Variants in ROR1 observed in about 807,000 individuals in gnomAD.
ROR1 encodes inactive tyrosine-protein kinase transmembrane receptor ROR1.
In ROR1, 19 loss-of-function variants were observed where a neutral mutation model predicts 78.8. The observed-to-expected ratio is 0.24, with a 90% CI of 0.17 to 0.35. The LOEUF (loss-of-function observed/expected upper bound fraction) is 0.35. Among genes scored for constraint, ROR1 ranks in the 10% least tolerant of loss-of-function variants. The pLI is 1.00. For missense variants in ROR1, 917 were observed against 1,177.8 expected, an observed-to-expected ratio of 0.78 and a Z score of 3.24; for synonymous variants, 386 against 433.6, an observed-to-expected ratio of 0.89 and a Z score of 1.36.
chr1:63,842,519 G>T (rs1249531881), intron 1 of ROR1, among the ~76,000 whole-genome samples: 1 of 152,162 alleles, frequency 6.6e-6, no homozygotes, highest in African/African-American at 2.4e-5. Flanking sequence ...GCTCCAGAGG[G>T]AGATCATTTC....
At chr1:64,007,400 G>C (rs74078189) in intron 1 of ROR1, among the ~76,000 whole-genome samples, 4,505 of 151,826 alleles carry the variant, frequency 0.03, 248 homozygotes, top group African/African-American at 0.1. Flanking sequence ...GTGTGTGTGT[G>C]TGTGTGTGTA....
chr1:64,033,726 C>T (rs1020312969), intron 2 of ROR1, among the ~76,000 whole-genome samples: 4 of 152,154 alleles, frequency 2.6e-5, no homozygotes, highest in Admixed American at 2.6e-4. Context: ...AACACTAACT[C>T]ATTTATCAAA....
chr1:63,898,363 T>G, intron 1 of ROR1, among the ~76,000 whole-genome samples: 1 of 142,650 alleles, frequency 7.0e-6, no homozygotes, highest in East Asian at 2.1e-4. Flanking sequence ...AATAGATGCT[T>G]ACATTTTTTT....
chr1:64,123,475 A>G (rs549890704), intron 4 of ROR1, among the ~76,000 whole-genome samples: 1 of 152,330 alleles, frequency 6.6e-6, no homozygotes, highest in East Asian at 1.9e-4. Context: ...CATTTTTGCC[A>G]CTTAACTAGC....
chr1:63,878,870 G>A (rs951469330), intron 1 of ROR1, among the ~76,000 whole-genome samples: 8 of 152,226 alleles, frequency 5.3e-5, no homozygotes, highest in South Asian at 4.2e-4. Context: ...AGTGCAGACC[G>A]CAGCCTGTTC....
chr1:63,836,939 G>A (rs1025615080), intron 1 of ROR1, among the ~76,000 whole-genome samples: 1 of 152,148 alleles, frequency 6.6e-6, no homozygotes, highest in African/African-American at 2.4e-5. Context: ...GTGTGTGTGC[G>A]TGTTTGAATT....
intron 1 of ROR1, among the ~76,000 whole-genome samples, chr1:63,862,622 C>T (rs1645189233): frequency 6.6e-6 from 1 of 152,000 alleles, no homozygotes; most frequent in Admixed American, 6.6e-5. Flanking sequence ...TCCATGGCTC[C>T]TTGTTAATTT....
At chr1:64,120,061 T>C (rs562419694) in intron 4 of ROR1, among the ~76,000 whole-genome samples, 2 of 152,336 alleles carry the variant, frequency 1.3e-5, no homozygotes, top group South Asian at 4.1e-4. Context: ...GCAAAACCTT[T>C]TGGTGGTTCT....
chr1:64,024,346 T>C (rs1646591091), intron 2 of ROR1, among the ~76,000 whole-genome samples: 2 of 152,050 alleles, frequency 1.3e-5, no homozygotes, highest in African/African-American at 4.8e-5. Flanking sequence ...TAGGGCATGG[T>C]GGCATGCACC....
In ROR1 at chr1:64,049,560, CT is replaced by C. The variant is rs1319140600; in HGVS notation, c.164-129del. The C allele has an allele frequency of 9.0e-6, 7 of 780,802 alleles. No homozygotes were observed. The East Asian group carries it at 1.7e-4, about 19-fold the overall frequency. The allele number at this position is 780,802 out of a possible 1,614,324, so 48.4% of individuals were successfully genotyped here. A position where few individuals can be genotyped will look rare whatever the true frequency, so the allele number is the denominator to read the frequency against. Reference sequence around the variant, plus strand: ...CTTAATCAATGTGATTGTTTCTTTCCTTGTCTGTCTCACCTGCCTCTCCTGC... The same window carrying C: ...CTTAATCAATGTGATTGTTTCTTTCCTGTCTGTCTCACCTGCCTCTCCTGC... On this transcript the variant is annotated intron_variant, in intron 2 of 8. Coordinates refer to ENST00000371079, the MANE Select transcript of ROR1 (RefSeq NM_005012.4).
chr1:63,774,604 G>C lies in ROR1; in HGVS notation c.91+96G>C. 1.6e-6 allele frequency: 1 copy of C among 635,098 alleles called. No homozygotes were observed. Among genetic ancestry groups the C allele is most frequent in the Non-Finnish European group, 2.0e-6 (1 of 509,968 alleles). The allele number at this position is 635,098 out of a possible 1,614,324, so 39.3% of individuals were successfully genotyped here. Reference sequence around the variant, plus strand: ...GGGCGCGGGACACGCAGGAAGCGCCGCGCTGGCTCCGGGGCGCGTCCGGCC... The same window carrying C: ...GGGCGCGGGACACGCAGGAAGCGCCCCGCTGGCTCCGGGGCGCGTCCGGCC... On this transcript the variant is annotated intron_variant, in intron 1 of 8. Transcript: ENST00000371079. The surrounding 1 kb of genome is among the most constrained non-coding windows in gnomAD (Gnocchi z 5.7).
rs995583405 is a variant in ROR1, at chr1:63,940,610, A to G, written c.92-68695A>G. Among the ~76,000 whole-genome samples, 5 of 152,160 alleles carry G rather than the reference A, an allele frequency of 3.3e-5. 1 individual carries two copies. Among genetic ancestry groups the G allele is most frequent in the Non-Finnish European group, 5.9e-5 (4 of 68,014 alleles). On this transcript the variant is annotated intron_variant, in intron 1 of 8. Transcript: ENST00000371079. Reference sequence around the variant, plus strand: ...CCAACTGACATATGTGACATGTGATATATGTGGAGGAAGTAGTGAATTTGT... The same window carrying G: ...CCAACTGACATATGTGACATGTGATGTATGTGGAGGAAGTAGTGAATTTGT...
In ROR1 at chr1:64,049,932, C is replaced by G; in HGVS notation, c.405C>G (p.Asn135Lys). Reference sequence around the variant, plus strand: ...GCTACTTCCAGTGCGTGGCAACAAACGGCAAGGAGGTGGTTTCTTCCACTG... The same window carrying G: ...GCTACTTCCAGTGCGTGGCAACAAAGGGCAAGGAGGTGGTTTCTTCCACTG... ...DTGYFQCVAT[N>K]GKEVVSSTGV... is the part of the protein sequence containing the mutation. Residue 135 changes from asparagine (N) to lysine (K), a missense_variant, in exon 3 of 9, where the codon AAC becomes AAG. Physicochemically the swap from Asn to Lys is moderately conservative, Grantham distance 94. This residue lies in a region of ROR1 where 835 missense variants were observed against 1,069.8 expected (regional missense o/e 0.78). Coordinates refer to ENST00000371079, the MANE Select transcript of ROR1 (RefSeq NM_005012.4). 1 of 1,614,204 alleles carries G rather than the reference C, an allele frequency of 6.2e-7. No homozygotes were observed. Among genetic ancestry groups the G allele is most frequent in the Non-Finnish European group, 8.5e-7 (1 of 1,180,038 alleles).
intron 2 of ROR1, among the ~76,000 whole-genome samples, chr1:64,042,459 C>T (rs906827092): frequency 6.6e-6 from 1 of 152,168 alleles, no homozygotes; most frequent in Admixed American, 6.5e-5. Context: ...AGTCTAGCTC[C>T]AGAGCCCATG....
intron 1 of ROR1, among the ~76,000 whole-genome samples, chr1:63,863,778 AT>A (rs1645197556): frequency 1.3e-5 from 2 of 150,850 alleles, no homozygotes; most frequent in South Asian, 4.2e-4. Flanking sequence ...ATTGTATTGT[AT>A]TGTATTGTAT....
intron 4 of ROR1, among the ~76,000 whole-genome samples, chr1:64,092,790 T>C (rs1647211854): frequency 6.6e-6 from 1 of 152,226 alleles, no homozygotes. Context: ...TTTCTTTTCC[T>C]CGTGTGGTTG....
intron 4 of ROR1, among the ~76,000 whole-genome samples, chr1:64,065,451 T>C (rs920539168): frequency 1.3e-5 from 2 of 152,284 alleles, no homozygotes; most frequent in East Asian, 3.9e-4. Context: ...GTAGTTTTAT[T>C]ACAGACAAGG....
At chr1:64,044,024 T>C (rs377238677) in intron 2 of ROR1, among the ~76,000 whole-genome samples, 1 of 152,228 alleles carries the variant, frequency 6.6e-6, no homozygotes, top group Non-Finnish European at 1.5e-5. Flanking sequence ...TTTTCCTACA[T>C]TGTAAAGGTA....
intron 7 of ROR1, among the ~76,000 whole-genome samples, chr1:64,152,689 G>T (rs2100723596): frequency 6.6e-6 from 1 of 152,132 alleles, no homozygotes; most frequent in Admixed American, 6.5e-5. Flanking sequence ...CTTCTGGTTT[G>T]GATTCATTAT....
Sources: gnomAD v4.1 joint callset for allele counts (sites outside exome capture counted in the v4.1 genomes callset) on GRCh38, gnomAD v4.1.1 for gene constraint, gnomAD v4.1.1 regional missense constraint, Gnocchi (gnomAD v3.1) non-coding constraint, MANE v1.5 for transcripts, NCBI Gene and HGNC (gene_info 2026-07-23, HGNC 2026-07-21) for gene names.